The following TMEM170B variants were observed in gnomAD, a reference collection of about 807,000 sequenced individuals.
TMEM170B encodes transmembrane protein 170B.
In TMEM170B, 6 loss-of-function variants were observed where a neutral mutation model predicts 13.0. That is an observed-to-expected ratio of 0.46 (90% confidence interval 0.25 to 0.91). The LOEUF (loss-of-function observed/expected upper bound fraction) is 0.91, where lower values mean the gene tolerates loss of function less well. TMEM170B is among the 40% of genes least tolerant of loss of function. TMEM170B has a pLI of 0.17. For synonymous variants in TMEM170B, 61 were observed against 64.9 expected (o/e 0.94, Z 0.29); for missense variants, 138 against 165.2 (o/e 0.84, Z 0.90).
At position 11,579,089 on chromosome 6, in the gene TMEM170B, A is replaced by T. The variant is rs934303126; in HGVS notation, c.*3528A>T. 1.3e-5 allele frequency: 2 copies of T among 152,322 alleles called. No individual in the cohort carries two copies. The highest frequency in any genetic ancestry group is 1.3e-4 in the Admixed American group (2 of 15,296). The allele number at this position is 152,322 out of a possible 1,614,324, so 9.4% of individuals were successfully genotyped here. A position where few individuals can be genotyped will look rare whatever the true frequency, so the allele number is the denominator to read the frequency against. On this transcript the variant is annotated 3_prime_UTR_variant, in exon 3 of 3. Coordinates refer to ENST00000379426, the MANE Select transcript of TMEM170B (RefSeq NM_001100829.3). ...GCAAGATGATTTTTAAATCCTAAAA[A>T]GTTTGGGACAACATTTTGCTTCCTG...
At chr6:11,570,428 G>A (rs1229211082) in intron 2 of TMEM170B, among the ~76,000 whole-genome samples, 1 of 151,970 alleles carries the variant, frequency 6.6e-6, no homozygotes, top group Admixed American at 6.6e-5. Context: ...TAAGGCAGAA[G>A]AGTAAAATAC....
In TMEM170B at chr6:11,578,078, C is replaced by T. The variant is rs919186672; in HGVS notation, c.*2517C>T. The stretch of plus-strand genomic sequence containing the variant: ...TATAGAGAGCTGCTATATATGAATA[C>T]AGTCTACTTGGAAAGCTTTTTTTCA... On this transcript the variant is annotated 3_prime_UTR_variant, in exon 3 of 3. Transcript: ENST00000379426. The T allele has an allele frequency of 3.9e-5, 6 of 151,950 alleles. No homozygotes were observed. Among genetic ancestry groups the T allele is most frequent in the African/African-American group, 1.5e-4 (6 of 41,368 alleles). 9.4% of individuals were successfully genotyped at this position (151,950 alleles called of 1,614,324 possible). A position where few individuals can be genotyped will look rare whatever the true frequency, so the allele number is the denominator to read the frequency against.
chr6:11,543,264 G>A (rs377623237), intron 1 of TMEM170B, among the ~76,000 whole-genome samples: 2 of 152,084 alleles, frequency 1.3e-5, no homozygotes, highest in African/African-American at 4.8e-5. Context: ...TATGTTTATT[G>A]AGATGAATTT....
At chr6:11,540,312 G>T (rs1759342192) in intron 1 of TMEM170B, among the ~76,000 whole-genome samples, 1 of 152,194 alleles carries the variant, frequency 6.6e-6, no homozygotes. Context: ...CAAAATTGGA[G>T]TCAGTCCTTT....
chr6:11,554,665 A>C (rs16871458), intron 1 of TMEM170B, among the ~76,000 whole-genome samples: 1,593 of 152,176 alleles, frequency 0.01, 28 homozygotes, highest in African/African-American at 0.035. Flanking sequence ...TACAGTTTGA[A>C]ATTATATAAT....
At position 11,546,832 on chromosome 6, in the gene TMEM170B, G is replaced by A. The variant is rs181374772; in HGVS notation, c.97+8458G>A. Among the ~76,000 whole-genome samples, 321 of 152,280 alleles carry A rather than the reference G, an allele frequency of 2.1e-3. 2 individuals are homozygous for A. The highest frequency in any genetic ancestry group is 3.9e-3 in the Non-Finnish European group (265 of 68,020). Reference sequence around the variant, plus strand: ...TTGCACAATAATGAAATGGCCAAATGACACATTTCTCAGAATGTATCCCCG... The same window carrying A: ...TTGCACAATAATGAAATGGCCAAATAACACATTTCTCAGAATGTATCCCCG... On this transcript the variant is annotated intron_variant, in intron 1 of 2. Transcript: ENST00000379426.
rs1221306012 is a variant in TMEM170B at position 11,582,731 on chromosome 6, GA to G, written c.*7173del. On this transcript the variant is annotated 3_prime_UTR_variant, in exon 3 of 3. Coordinates refer to ENST00000379426, the MANE Select transcript of TMEM170B (RefSeq NM_001100829.3). ...CCATCAGGGATTTATTTTTACTATA[GA>G]AATACTAAATGTACTGTGAAGCTTA... 1 of 152,078 alleles carries G rather than the reference GA, an allele frequency of 6.6e-6. No homozygotes were observed. Among genetic ancestry groups the G allele is most frequent in the African/African-American group, 2.4e-5 (1 of 41,404 alleles). The allele number at this position is 152,078 out of a possible 1,614,324, so 9.4% of individuals were successfully genotyped here. A position where few individuals can be genotyped will look rare whatever the true frequency, so the allele number is the denominator to read the frequency against.
Position 11,538,331 on chromosome 6 carries a change from C to G in TMEM170B, c.54C>G (p.Val18=), listed in dbSNP as rs76140838. The G allele has an allele frequency of 5.0e-4, 759 of 1,508,532 alleles. 6 individuals carry two copies. The African/African-American group carries it at 9.1e-3, about 18-fold the overall frequency. The allele number at this position is 1,508,532 out of a possible 1,614,324, so 93.4% of individuals were successfully genotyped here. A position where few individuals can be genotyped will look rare whatever the true frequency, so the allele number is the denominator to read the frequency against. ...TGATCAACCTGTCGGTGCAGCAGGT[C>G]CTGAGCCTCTGGGCCCACGGGACGG... is the stretch of plus-strand genomic sequence containing the variant. ...HSMINLSVQQ[V]LSLWAHGTVL... Residue 18 remains valine (V), a synonymous_variant, in exon 1 of 3, where the codon GTC becomes GTG. Coordinates refer to ENST00000379426, the MANE Select transcript of TMEM170B (RefSeq NM_001100829.3).
rs1759582587 is a variant in TMEM170B, at chr6:11,555,913, T to TA, written c.98-9753_98-9752insA. On this transcript the variant is annotated intron_variant, in intron 1 of 2. Transcript: ENST00000379426. ...GGCTCACGCCTGTAATCCCAGCACT[T>TA]TGGGAGGCCGAGGCGGGCGGATCAC... is the stretch of plus-strand genomic sequence containing the variant. 5.0e-3 allele frequency among the ~76,000 whole-genome samples: 2 copies of TA among 400 alleles called. 1 individual carries two copies. Among genetic ancestry groups the TA allele is most frequent in the African/African-American group, 5.0e-3 (2 of 398 alleles). 0.3% of individuals were successfully genotyped at this position (400 alleles called of 152,430 possible). A position where few individuals can be genotyped will look rare whatever the true frequency, so the allele number is the denominator to read the frequency against.
At chr6:11,539,554 G>T (rs1409437009) in intron 1 of TMEM170B, among the ~76,000 whole-genome samples, 2 of 152,116 alleles carry the variant, frequency 1.3e-5, no homozygotes, top group African/African-American at 4.8e-5. Flanking sequence ...TGGTTTCTTC[G>T]AATGGAAACT....
rs1759908957 is a variant in TMEM170B at position 11,578,523 on chromosome 6, T to C, written c.*2962T>C. 1 of 152,112 alleles carries C rather than the reference T, an allele frequency of 6.6e-6. No individual in the cohort carries two copies. Among genetic ancestry groups the C allele is most frequent in the Non-Finnish European group, 1.5e-5 (1 of 67,996 alleles). The allele number at this position is 152,112 out of a possible 1,614,324, so 9.4% of individuals were successfully genotyped here. On this transcript the variant is annotated 3_prime_UTR_variant, in exon 3 of 3. Coordinates refer to ENST00000379426, the MANE Select transcript of TMEM170B (RefSeq NM_001100829.3). ...GCCTCAAATAAACTGCAAATAATGC[T>C]TAAAACTTTAAAAGAAGGAGAACCA...
intron 1 of TMEM170B, among the ~76,000 whole-genome samples, chr6:11,562,071 A>T (rs3857556): frequency 0.49 from 74,389 of 151,694 alleles, 19,184 homozygotes; most frequent in Admixed American, 0.62. Context: ...TACAAGGCGG[A>T]TTGTTGACTT....
intron 1 of TMEM170B, among the ~76,000 whole-genome samples, chr6:11,557,664 T>C (rs1024270976): frequency 7.2e-5 from 11 of 152,236 alleles, no homozygotes; most frequent in Non-Finnish European, 1.6e-4. Context: ...TTGAACAGTA[T>C]GGTAGATGGA....
rs1237886959 is a variant in TMEM170B at position 11,578,373 on chromosome 6, A to C, written c.*2812A>C. ...CTATAGTGGACACTCCTTTATTTAA[A>C]AAATGTTTAATAAAATATTGTTTAT... On this transcript the variant is annotated 3_prime_UTR_variant, in exon 3 of 3. Transcript: ENST00000379426. 6.6e-6 allele frequency: 1 copy of C among 152,174 alleles called. No homozygotes were observed. The highest frequency in any genetic ancestry group is 2.4e-5 in the African/African-American group (1 of 41,444). 9.4% of individuals were successfully genotyped at this position (152,174 alleles called of 1,614,324 possible).
chr6:11,553,430 T>G (rs1231915585), intron 1 of TMEM170B, among the ~76,000 whole-genome samples: 1 of 152,206 alleles, frequency 6.6e-6, no homozygotes, highest in Non-Finnish European at 1.5e-5. Context: ...ACCTCCCTTC[T>G]TGGATAATTG....
chr6:11,571,372 A>G (rs1011741168), intron 2 of TMEM170B, among the ~76,000 whole-genome samples: 2 of 152,080 alleles, frequency 1.3e-5, no homozygotes, highest in African/African-American at 4.8e-5. Flanking sequence ...GGCAGATCAC[A>G]TCACTTTTCA....
At chr6:11,559,718 A>C (rs899655765) in intron 1 of TMEM170B, among the ~76,000 whole-genome samples, 1 of 152,214 alleles carries the variant, frequency 6.6e-6, no homozygotes, top group Non-Finnish European at 1.5e-5. Flanking sequence ...CAAGTTCTAC[A>C]CTTCAGATTT....
chr6:11,551,277 T>C (rs1013779542), intron 1 of TMEM170B, among the ~76,000 whole-genome samples: 7 of 152,214 alleles, frequency 4.6e-5, no homozygotes, highest in African/African-American at 1.7e-4. Flanking sequence ...CAGTCTTTGA[T>C]AGCCTAATCT....
At position 11,538,196 on chromosome 6, in the gene TMEM170B, A is replaced by T; in HGVS notation, c.-82A>T. 2 of 552,374 alleles carry T rather than the reference A, an allele frequency of 3.6e-6. No homozygotes were observed. Among genetic ancestry groups the T allele is most frequent in the Non-Finnish European group, 4.9e-6 (2 of 410,084 alleles). The allele number at this position is 552,374 out of a possible 1,614,324, so 34.2% of individuals were successfully genotyped here. A position where few individuals can be genotyped will look rare whatever the true frequency, so the allele number is the denominator to read the frequency against. On this transcript the variant is annotated 5_prime_UTR_variant, in exon 1 of 3. Coordinates refer to ENST00000379426, the MANE Select transcript of TMEM170B (RefSeq NM_001100829.3). Reference sequence around the variant, plus strand: ...CGGCGGCGGCCTGGAGGAGCCGCGCACCCGCCGCCGCCCCCCGAGCCTCGC... The same window carrying T: ...CGGCGGCGGCCTGGAGGAGCCGCGCTCCCGCCGCCGCCCCCCGAGCCTCGC...
Sources: gnomAD v4.1 joint callset for allele counts (sites outside exome capture counted in the v4.1 genomes callset) on GRCh38, gnomAD v4.1.1 for gene constraint, MANE v1.5 for transcripts, NCBI Gene and HGNC (gene_info 2026-07-23, HGNC 2026-07-21) for gene names.